SLC41A2: variants seen among roughly 807,000 people sequenced by gnomAD.
The protein encoded by SLC41A2 is solute carrier family 41 member 2.
In SLC41A2, 32 loss-of-function variants were observed where a neutral mutation model predicts 58.3. The observed-to-expected ratio is 0.55, with a 90% CI of 0.41 to 0.74. The LOEUF is 0.74. SLC41A2 is among the 30% of genes least tolerant of loss of function. The pLI is 0.00. For synonymous variants in SLC41A2, 190 were observed against 235.0 expected (o/e 0.81, Z 1.75); for missense variants, 514 against 680.6 (o/e 0.76, Z 2.72).
chr12:104,940,344 G>C (rs966416117), intron 1 of SLC41A2, among the ~76,000 whole-genome samples: 1 of 74,214 alleles, frequency 1.3e-5, no homozygotes, highest in Non-Finnish European at 2.6e-5. Context: ...TTTTAAAAAG[G>C]CTCACCTGGG....
At chr12:104,848,526 T>C (rs1012630728) in intron 8 of SLC41A2, among the ~76,000 whole-genome samples, 2 of 151,936 alleles carry the variant, frequency 1.3e-5, no homozygotes, top group African/African-American at 4.8e-5. Context: ...AGCTGCTTCT[T>C]TGAATAGATA....
chr12:104,934,313 C>T (rs2248986), intron 1 of SLC41A2, among the ~76,000 whole-genome samples: 107,515 of 152,098 alleles, frequency 0.71, 38,642 homozygotes, highest in African/African-American at 0.84. Context: ...AATAGTAGCA[C>T]AGCTGGGAAG....
At chr12:104,915,386 C>A (rs536880972) in intron 2 of SLC41A2, among the ~76,000 whole-genome samples, 27 of 152,302 alleles carry the variant, frequency 1.8e-4, no homozygotes, top group African/African-American at 5.3e-4. Flanking sequence ...GATATTGATT[C>A]TTCCTACCCA....
intron 1 of SLC41A2, among the ~76,000 whole-genome samples, chr12:104,942,245 G>A (rs369497660): frequency 6.6e-6 from 1 of 152,066 alleles, no homozygotes; most frequent in Non-Finnish European, 1.5e-5. Flanking sequence ...TTGGGAGGCC[G>A]AGGCAGGTGG....
chr12:104,809,185 T>C (rs1000488001), intron 10 of SLC41A2, among the ~76,000 whole-genome samples: 2 of 152,096 alleles, frequency 1.3e-5, no homozygotes, highest in South Asian at 4.1e-4. Context: ...TTTCAATAAA[T>C]GTCTGTTATT....
chr12:104,941,887 A>T (rs997898786), intron 1 of SLC41A2, among the ~76,000 whole-genome samples: 2 of 152,252 alleles, frequency 1.3e-5, no homozygotes, highest in Non-Finnish European at 2.9e-5. Flanking sequence ...ATTAAATTTT[A>T]AAAAGTGAAA....
intron 1 of SLC41A2, among the ~76,000 whole-genome samples, chr12:104,938,108 A>G (rs2135932646): frequency 6.6e-6 from 1 of 150,416 alleles, no homozygotes; most frequent in East Asian, 1.9e-4. Context: ...CATACTAGCA[A>G]AAAAAAAAAT....
chr12:104,816,120 C>G (rs2041391840), intron 10 of SLC41A2, among the ~76,000 whole-genome samples: 1 of 152,132 alleles, frequency 6.6e-6, no homozygotes, highest in Admixed American at 6.6e-5. Context: ...AAAGCCCACA[C>G]TGCTTCTCCC....
intron 6 of SLC41A2, among the ~76,000 whole-genome samples, chr12:104,877,558 C>A (rs765476391): frequency 3.9e-5 from 6 of 152,136 alleles, no homozygotes; most frequent in Non-Finnish European, 8.8e-5. Context: ...GTGATAGTAA[C>A]ATTCCATTTT....
rs527929471 is a variant in SLC41A2 at position 104,813,172 on chromosome 12, C to T, written c.1537-7835G>A. Among the ~76,000 whole-genome samples, 10 of 151,492 alleles carry T rather than the reference C, an allele frequency of 6.6e-5. No individual in the cohort carries two copies. The South Asian group carries it at 2.1e-3, about 32-fold the overall frequency. On this transcript the variant is annotated intron_variant, in intron 10 of 10. Transcript: ENST00000258538. ...CCAGCCTGGGCGACAGAGCAAGACT[C>T]TGTCTCAAAAAAGAAAAAAAAATAA... is the stretch of plus-strand genomic sequence containing the variant.
At chr12:104,870,678 G>T (rs899474316) in intron 6 of SLC41A2, among the ~76,000 whole-genome samples, 3 of 152,084 alleles carry the variant, frequency 2.0e-5, no homozygotes, top group Non-Finnish European at 4.4e-5. Flanking sequence ...CATCTTTTGT[G>T]ATCCAGTTTT....
chr12:104,878,694 T>C (rs1020691820), intron 6 of SLC41A2, among the ~76,000 whole-genome samples: 2 of 152,252 alleles, frequency 1.3e-5, no homozygotes, highest in African/African-American at 4.8e-5. Context: ...TGCCATATTT[T>C]CTTAATCCAG....
At position 104,861,178 on chromosome 12, in the gene SLC41A2, TG is replaced by T. The variant is rs796612796; in HGVS notation, c.1255+112del. On this transcript the variant is annotated intron_variant, in intron 8 of 10. Coordinates refer to ENST00000258538, the MANE Select transcript of SLC41A2 (RefSeq NM_001352171.3). ...AACTTGGGGTTGGAGGCAGAATGGT[TG>T]GGATGGGAGGACAGACCTCTTGAAT... 8.3e-5 allele frequency: 53 copies of T among 639,138 alleles called. No homozygotes were observed. In the South Asian group the frequency reaches 1.5e-3, roughly 17 times the overall value. The allele number at this position is 639,138 out of a possible 1,614,324, so 39.6% of individuals were successfully genotyped here.
intron 10 of SLC41A2, among the ~76,000 whole-genome samples, chr12:104,829,972 A>G (rs1270740912): frequency 6.6e-6 from 1 of 152,240 alleles, no homozygotes; most frequent in East Asian, 1.9e-4. Context: ...TACTTGCGAC[A>G]AAGACTATAT....
intron 5 of SLC41A2, among the ~76,000 whole-genome samples, chr12:104,888,715 A>T (rs530919532): frequency 1.6e-3 from 240 of 152,252 alleles, no homozygotes; most frequent in African/African-American, 5.6e-3. Context: ...CCCCTGCATG[A>T]TGTCCAGAAA....
intron 8 of SLC41A2, 111 bp from the exon 9 acceptor site, chr12:104,846,085 A>G: frequency 9.5e-7 from 1 of 1,056,374 alleles, no homozygotes; most frequent in Non-Finnish European, 1.4e-6. Context: ...AAAACAAAAT[A>G]AAGAGTTCTT....
At chr12:104,848,961 A>G (rs2042705629) in intron 8 of SLC41A2, among the ~76,000 whole-genome samples, 1 of 152,044 alleles carries the variant, frequency 6.6e-6, no homozygotes, top group African/African-American at 2.4e-5. Context: ...CTGCAAATCA[A>G]TAAATAGTGC....
chr12:104,860,462 T>C (rs1208494559), intron 8 of SLC41A2, among the ~76,000 whole-genome samples: 1 of 152,002 alleles, frequency 6.6e-6, no homozygotes, highest in Non-Finnish European at 1.5e-5. Flanking sequence ...ATTAAAATGA[T>C]CTTATTAAAT....
intron 6 of SLC41A2, among the ~76,000 whole-genome samples, chr12:104,874,477 G>A (rs1378028049): frequency 1.3e-5 from 2 of 152,148 alleles, no homozygotes; most frequent in Non-Finnish European, 2.9e-5. Flanking sequence ...CATGGCTTCA[G>A]GCGTTATGTT....
Sources: gnomAD v4.1 joint callset for allele counts (sites outside exome capture counted in the v4.1 genomes callset) on GRCh38, gnomAD v4.1.1 for gene constraint, MANE v1.5 for transcripts, NCBI Gene and HGNC (gene_info 2026-07-23, HGNC 2026-07-21) for gene names.